BICC1: variants seen among roughly 807,000 people sequenced by gnomAD.
BICC1 encodes BicC family RNA binding protein 1.
In BICC1, 43 loss-of-function variants were observed where a neutral mutation model predicts 111.0. That is an observed-to-expected ratio of 0.39 (90% confidence interval 0.30 to 0.50). The LOEUF (loss-of-function observed/expected upper bound fraction) is 0.50. BICC1 is among the 20% of genes least tolerant of loss of function. The probability of loss-of-function intolerance (pLI) is 0.88; values close to 1 mark genes in which losing one functional copy is unlikely to be tolerated. For missense variants in BICC1, 1,091 were observed against 1,203.2 expected (o/e 0.91, Z 1.38); for synonymous variants, 467 against 434.4 (o/e 1.07, Z -0.93).
intron 1 of BICC1, among the ~76,000 whole-genome samples, chr10:58,517,875 A>G (rs1376557337): frequency 6.6e-6 from 1 of 152,240 alleles, no homozygotes; most frequent in Non-Finnish European, 1.5e-5. Context: ...TATTCACAGT[A>G]AATCATTATG....
intron 3 of BICC1, among the ~76,000 whole-genome samples, chr10:58,750,856 A>G (rs1400719344): frequency 1.3e-5 from 2 of 152,140 alleles, no homozygotes; most frequent in East Asian, 3.9e-4. Context: ...TACTCTCTTG[A>G]AGCCACGAAT....
chr10:58,804,145 G>A (rs1420584602), intron 15 of BICC1, among the ~76,000 whole-genome samples: 5 of 151,952 alleles, frequency 3.3e-5, no homozygotes. Context: ...CCTTTGCATT[G>A]GAACATTTTC....
intron 2 of BICC1, among the ~76,000 whole-genome samples, chr10:58,645,373 C>T (rs1838236507): frequency 8.0e-6 from 1 of 125,354 alleles, no homozygotes; most frequent in East Asian, 2.5e-4. Flanking sequence ...CGCCACTGCG[C>T]TCCAGCCTGG....
intron 2 of BICC1, among the ~76,000 whole-genome samples, chr10:58,684,001 G>A (rs1158478277): frequency 4.6e-5 from 7 of 152,176 alleles, no homozygotes; most frequent in Admixed American, 4.6e-4. Context: ...GTATAAAATT[G>A]GCTGTGGATT....
intron 3 of BICC1, chr10:58,715,421 C>A: frequency 1.6e-6 from 1 of 617,134 alleles, no homozygotes; most frequent in South Asian, 1.8e-5. Flanking sequence ...ACATTTCTAC[C>A]ATTGGATTTT....
intron 2 of BICC1, among the ~76,000 whole-genome samples, chr10:58,666,607 A>G (rs1248105085): frequency 6.6e-6 from 1 of 152,172 alleles, no homozygotes; most frequent in Non-Finnish European, 1.5e-5. Context: ...TTTTTCATTC[A>G]AGTGTATATA....
intron 2 of BICC1, among the ~76,000 whole-genome samples, chr10:58,642,268 GCTT>G (rs796729458): frequency 4.0e-4 from 61 of 152,290 alleles, no homozygotes; most frequent in African/African-American, 1.2e-3. Flanking sequence ...ACTCATGGTG[GCTT>G]CTTATTCCTG....
chr10:58,589,747 T>C (rs1051756936), intron 1 of BICC1, among the ~76,000 whole-genome samples: 12 of 152,106 alleles, frequency 7.9e-5, no homozygotes, highest in Admixed American at 6.6e-4. Context: ...AACAATAGGA[T>C]TACAGGCATG....
At chr10:58,683,908 T>A (rs1019027816) in intron 2 of BICC1, among the ~76,000 whole-genome samples, 2 of 152,022 alleles carry the variant, frequency 1.3e-5, no homozygotes, top group Non-Finnish European at 2.9e-5. Flanking sequence ...CTTCCAACAC[T>A]TTGTTGAATA....
chr10:58,791,399 G>A (rs1049914178), intron 8 of BICC1, among the ~76,000 whole-genome samples: 11 of 152,212 alleles, frequency 7.2e-5, no homozygotes, highest in East Asian at 1.9e-4. Context: ...GCTTTAACCC[G>A]TATTTTAAAT....
intron 3 of BICC1, among the ~76,000 whole-genome samples, chr10:58,769,206 C>G (rs1290516963): frequency 6.6e-6 from 1 of 151,288 alleles, no homozygotes; most frequent in Non-Finnish European, 1.5e-5. Flanking sequence ...ATTTTGGAGA[C>G]CTAGTGTACA....
chr10:58,604,015 T>C (rs1041184916), intron 1 of BICC1, among the ~76,000 whole-genome samples: 1 of 152,088 alleles, frequency 6.6e-6, no homozygotes, highest in East Asian at 1.9e-4. Flanking sequence ...TGCAAGGGGG[T>C]CCCTCTTCTT....
At chr10:58,712,581 T>A (rs533220470) in intron 3 of BICC1, among the ~76,000 whole-genome samples, 1 of 152,330 alleles carries the variant, frequency 6.6e-6, no homozygotes, top group Non-Finnish European at 1.5e-5. Flanking sequence ...AAATGCATTA[T>A]ACTAAGTGAA....
intron 1 of BICC1, among the ~76,000 whole-genome samples, chr10:58,528,038 C>T (rs569631778): frequency 5.9e-5 from 9 of 151,884 alleles, no homozygotes; most frequent in Non-Finnish European, 1.3e-4. Context: ...ATATTCTGTT[C>T]CTCTGTGGCA....
At chr10:58,551,753 C>G (rs1843300909) in intron 1 of BICC1, among the ~76,000 whole-genome samples, 1 of 152,140 alleles carries the variant, frequency 6.6e-6, no homozygotes, top group Non-Finnish European at 1.5e-5. Context: ...CATAATTTCT[C>G]TTTCTCTGAC....
At chr10:58,604,451 C>T (rs187528915) in intron 1 of BICC1, among the ~76,000 whole-genome samples, 26 of 152,220 alleles carry the variant, frequency 1.7e-4, no homozygotes, top group African/African-American at 5.5e-4. Flanking sequence ...GAGTGGATCA[C>T]GAGGTCAGGA....
At chr10:58,522,057 T>C (rs775757759) in intron 1 of BICC1, among the ~76,000 whole-genome samples, 2 of 151,932 alleles carry the variant, frequency 1.3e-5, no homozygotes, top group African/African-American at 2.4e-5. Context: ...TAAACCATCT[T>C]GAAGCATTTT....
intron 3 of BICC1, chr10:58,716,054 C>A: frequency 1.4e-6 from 2 of 1,447,324 alleles, no homozygotes; most frequent in Non-Finnish European, 1.9e-6. Context: ...AAAGATGGAA[C>A]TGAGAAAGAA....
At chr10:58,536,424 A>G (rs1842827946) in intron 1 of BICC1, among the ~76,000 whole-genome samples, 1 of 151,964 alleles carries the variant, frequency 6.6e-6, no homozygotes, top group African/African-American at 2.4e-5. Context: ...GTAATCCTCA[A>G]AACTGTATAA....
Sources: allele counts gnomAD v4.1 joint callset (sites outside exome capture counted in the v4.1 genomes callset), GRCh38; gene constraint gnomAD v4.1.1; transcripts MANE v1.5; gene names NCBI Gene and HGNC (gene_info 2026-07-23, HGNC 2026-07-21).